The following PTTG1IP2 variants were observed in gnomAD, a reference collection of about 807,000 sequenced individuals.
PTTG1IP2 encodes the protein PTTG1IP family member 2.
intron 5 of PTTG1IP2, among the ~76,000 whole-genome samples, chr7:90,492,869 G>A (rs548665765): frequency 2.7e-4 from 41 of 152,008 alleles, no homozygotes; most frequent in African/African-American, 9.9e-4. Flanking sequence ...CCTCCTATCC[G>A]CTCTCCTCAA....
intron 6 of PTTG1IP2, among the ~76,000 whole-genome samples, chr7:90,505,974 G>A (rs924803329): frequency 1.8e-5 from 2 of 114,010 alleles, no homozygotes; most frequent in South Asian, 2.9e-4. Context: ...CTGGGCGACA[G>A]AGCGAGACTC....
chr7:90,472,872 A>C (rs1429174765), intron 1 of PTTG1IP2, among the ~76,000 whole-genome samples: 2 of 152,196 alleles, frequency 1.3e-5, no homozygotes, highest in East Asian at 3.9e-4. Flanking sequence ...GGCAGGTATT[A>C]GGAGGATTAC....
Position 90,508,276 on chromosome 7 carries a change from A to G in PTTG1IP2, c.*51-5002A>G, listed in dbSNP as rs549645324. ...GAGAACTCGTCTCAAAAAAAAAAAA[A>G]AAAAGAAAAGAAAAGAAAAAATATT... is the stretch of plus-strand genomic sequence containing the variant. On this transcript the variant is annotated intron_variant, in intron 6 of 6. Transcript: ENST00000509356. Among the ~76,000 whole-genome samples the G allele has an allele frequency of 4.1e-4, 54 of 130,194 alleles. No homozygotes were observed. In the East Asian group the frequency reaches 7.1e-3, roughly 17 times the overall value. 85.4% of individuals were successfully genotyped at this position (130,194 alleles called of 152,430 possible).
intron 1 of PTTG1IP2, among the ~76,000 whole-genome samples, chr7:90,476,721 C>G: frequency 6.6e-6 from 1 of 151,932 alleles, no homozygotes; most frequent in Admixed American, 6.6e-5. Context: ...GTACAGTACA[C>G]CAAGATGACA....
intron 6 of PTTG1IP2, among the ~76,000 whole-genome samples, chr7:90,502,962 T>C (rs909332925): frequency 6.6e-6 from 1 of 152,218 alleles, no homozygotes; most frequent in African/African-American, 2.4e-5. Flanking sequence ...ACTTTTTCCT[T>C]TCTGGCCATG....
intron 6 of PTTG1IP2, among the ~76,000 whole-genome samples, chr7:90,497,712 G>GAA (rs1798010926): frequency 5.2e-5 from 1 of 19,134 alleles, no homozygotes; most frequent in East Asian, 7.9e-3. Flanking sequence ...GAAAGACCCT[G>GAA]TATAAAAAAA....
intron 5 of PTTG1IP2, among the ~76,000 whole-genome samples, 151 bp downstream of exon 5, chr7:90,492,460 AG>A (rs1797949509): frequency 6.6e-6 from 1 of 152,172 alleles, no homozygotes; most frequent in Non-Finnish European, 1.5e-5. Context: ...CCAAGGTGGG[AG>A]GATTTGCTTG....
At chr7:90,500,287 G>C (rs1383590940) in intron 6 of PTTG1IP2, among the ~76,000 whole-genome samples, 1 of 152,108 alleles carries the variant, frequency 6.6e-6, no homozygotes, top group African/African-American at 2.4e-5. Context: ...TATTTTGAAA[G>C]GTTAGAATAA....
At chr7:90,511,550 T>C (rs914305546) in intron 6 of PTTG1IP2, among the ~76,000 whole-genome samples, 1 of 152,164 alleles carries the variant, frequency 6.6e-6, no homozygotes. Context: ...TTGCACCAAT[T>C]CCAGGTATTT....
At chr7:90,511,280 C>G (rs902170431) in intron 6 of PTTG1IP2, among the ~76,000 whole-genome samples, 1 of 152,150 alleles carries the variant, frequency 6.6e-6, no homozygotes, top group African/African-American at 2.4e-5. Flanking sequence ...CCCCCAGAAA[C>G]AGATAATAAA....
At chr7:90,472,370 T>A (rs1797702040) in intron 1 of PTTG1IP2, among the ~76,000 whole-genome samples, 3 of 150,400 alleles carry the variant, frequency 2.0e-5, no homozygotes, top group Admixed American at 2.0e-4. Context: ...AACATGAAAA[T>A]TTCCCACAAG....
At chr7:90,503,178 TGC>T in intron 6 of PTTG1IP2, among the ~76,000 whole-genome samples, 1 of 152,236 alleles carries the variant, frequency 6.6e-6, no homozygotes, top group Admixed American at 6.5e-5. Context: ...AACCAGTCTC[TGC>T]TAGATTCCAA....
At chr7:90,483,141 G>C (rs17867676) in intron 2 of PTTG1IP2, among the ~76,000 whole-genome samples, 1 of 152,052 alleles carries the variant, frequency 6.6e-6, no homozygotes, top group Non-Finnish European at 1.5e-5. Context: ...ATCACCTGTT[G>C]GGAGTCCTTC....
At chr7:90,499,929 C>T (rs900872328) in intron 6 of PTTG1IP2, among the ~76,000 whole-genome samples, 15 of 152,004 alleles carry the variant, frequency 9.9e-5, no homozygotes, top group African/African-American at 3.6e-4. Context: ...AACAATTAGT[C>T]CTCACCGGGT....
chr7:90,495,036 C>T (rs970166735), intron 6 of PTTG1IP2, among the ~76,000 whole-genome samples: 2 of 152,034 alleles, frequency 1.3e-5, no homozygotes, highest in African/African-American at 4.8e-5. Flanking sequence ...CAACCCCTAC[C>T]ATTAAAAGGG....
Position 90,505,856 on chromosome 7 carries a change from C to T in PTTG1IP2, c.*51-7422C>T, listed in dbSNP as rs554337253. ...AAAATTAGCCGGGCGCGGTGGCGGG[C>T]GCCTGTAGTCCCAGCTACTCGGGAG... On this transcript the variant is annotated intron_variant, in intron 6 of 6. Coordinates refer to ENST00000509356, the MANE Select transcript of PTTG1IP2 (RefSeq NM_001365443.2). Among the ~76,000 whole-genome samples the T allele has an allele frequency of 5.4e-4, 82 of 151,822 alleles. 1 individual carries two copies. The highest frequency in any genetic ancestry group is 1.4e-3 in the Admixed American group (21 of 15,264).
intron 6 of PTTG1IP2, among the ~76,000 whole-genome samples, chr7:90,499,792 A>G (rs1295792638): frequency 1.3e-5 from 2 of 152,290 alleles, no homozygotes; most frequent in East Asian, 3.9e-4. Context: ...CATGTTGGCC[A>G]GGCTGGTCTT....
intron 1 of PTTG1IP2, among the ~76,000 whole-genome samples, chr7:90,478,422 G>A (rs890925904): frequency 9.2e-5 from 14 of 152,040 alleles, no homozygotes; most frequent in African/African-American, 2.9e-4. Flanking sequence ...GGATACTTTC[G>A]GCTAGGAGGA....
At chr7:90,491,162 T>G (rs1240590547) in intron 4 of PTTG1IP2, among the ~76,000 whole-genome samples, 1 of 152,226 alleles carries the variant, frequency 6.6e-6, no homozygotes, top group Non-Finnish European at 1.5e-5. Context: ...TAGTTATGCT[T>G]ATAAAAATTA....
Sources: gnomAD v4.1 joint callset for allele counts (sites outside exome capture counted in the v4.1 genomes callset) on GRCh38, gnomAD v4.1.1 for gene constraint, MANE v1.5 for transcripts, NCBI Gene and HGNC (gene_info 2026-07-23, HGNC 2026-07-21) for gene names.